GRIA1: variants seen among roughly 807,000 people sequenced by gnomAD.
GRIA1 encodes glutamate receptor 1.
Under a neutral mutation model 99.2 loss-of-function variants are expected in GRIA1, and 31 were observed. That is an observed-to-expected ratio of 0.31 (90% confidence interval 0.23 to 0.42). The LOEUF is 0.42. Ranked by LOEUF, GRIA1 falls within the 10% of genes least tolerant of loss-of-function variation. The pLI is 1.00. For missense variants in GRIA1, 782 were observed against 1,157.5 expected (o/e 0.68, Z 4.71); for synonymous variants, 438 against 432.4 (o/e 1.01, Z -0.16).
intron 11 of GRIA1, among the ~76,000 whole-genome samples, chr5:153,751,129 G>A (rs558473137): frequency 2.1e-4 from 32 of 152,286 alleles, no homozygotes; most frequent in African/African-American, 7.0e-4. Context: ...TAAGCACAAA[G>A]AGATGTAGCG....
At chr5:153,643,124 A>T (rs983221565) in intron 2 of GRIA1, among the ~76,000 whole-genome samples, 1 of 152,202 alleles carries the variant, frequency 6.6e-6, no homozygotes, top group Non-Finnish European at 1.5e-5. Flanking sequence ...TTACCTGCTT[A>T]CTGGATTTGA....
At chr5:153,662,400 C>G (rs1313306496) in intron 5 of GRIA1, among the ~76,000 whole-genome samples, 2 of 152,158 alleles carry the variant, frequency 1.3e-5, no homozygotes. Context: ...AAAAGAATGC[C>G]AGAGAAAAAT....
intron 2 of GRIA1, among the ~76,000 whole-genome samples, chr5:153,581,773 A>G (rs1425289102): frequency 6.7e-6 from 1 of 148,696 alleles, no homozygotes; most frequent in Admixed American, 6.7e-5. Flanking sequence ...TTTTTTTTAG[A>G]AGGGTGTTGT....
At chr5:153,528,427 C>G (rs1012111355) in intron 2 of GRIA1, among the ~76,000 whole-genome samples, 8 of 152,140 alleles carry the variant, frequency 5.3e-5, no homozygotes, top group African/African-American at 1.7e-4. Flanking sequence ...AGGGTACAGG[C>G]TCAGAGGACT....
At chr5:153,556,336 G>A (rs1024537519) in intron 2 of GRIA1, among the ~76,000 whole-genome samples, 2 of 152,184 alleles carry the variant, frequency 1.3e-5, no homozygotes, top group East Asian at 3.9e-4. Flanking sequence ...TCAAAAGGTC[G>A]CTCTTCCCTG....
At chr5:153,688,128 G>C (rs548796446) in intron 8 of GRIA1, among the ~76,000 whole-genome samples, 2 of 151,916 alleles carry the variant, frequency 1.3e-5, no homozygotes, top group African/African-American at 4.8e-5. Flanking sequence ...ACATCTTCTC[G>C]CTAACCACAG....
chr5:153,747,203 G>A (rs1762212791), intron 11 of GRIA1, among the ~76,000 whole-genome samples: 1 of 152,186 alleles, frequency 6.6e-6, no homozygotes, highest in Admixed American at 6.5e-5. Context: ...GAGGCCTCAG[G>A]AAGCTTTTAC....
chr5:153,795,008 G>C (rs1765558955), intron 14 of GRIA1, among the ~76,000 whole-genome samples: 1 of 152,112 alleles, frequency 6.6e-6, no homozygotes, highest in African/African-American at 2.4e-5. Context: ...ATTGTGCCTG[G>C]ACCTTCTTTT....
chr5:153,717,340 A>G (rs1759737029), intron 11 of GRIA1, among the ~76,000 whole-genome samples: 1 of 152,162 alleles, frequency 6.6e-6, no homozygotes, highest in African/African-American at 2.4e-5. Flanking sequence ...CACAGAAGCA[A>G]AGAGAAATGA....
At chr5:153,500,214 G>A (rs1754854882) in intron 2 of GRIA1, among the ~76,000 whole-genome samples, 1 of 152,156 alleles carries the variant, frequency 6.6e-6, no homozygotes, top group African/African-American at 2.4e-5. Flanking sequence ...TCTCCTCTCA[G>A]CCACTCAGGA....
intron 2 of GRIA1, among the ~76,000 whole-genome samples, chr5:153,564,277 C>G (rs1761421882): frequency 6.6e-6 from 1 of 152,100 alleles, no homozygotes; most frequent in Admixed American, 6.5e-5. Flanking sequence ...TGGTGCAGCC[C>G]TTCCCAGAGG....
intron 14 of GRIA1, among the ~76,000 whole-genome samples, chr5:153,799,115 G>T (rs1294825871): frequency 6.6e-5 from 10 of 152,088 alleles, no homozygotes; most frequent in African/African-American, 2.4e-4. Context: ...CTTTTCTGGT[G>T]TGCAGCTGCT....
chr5:153,725,076 G>A (rs1197880282), intron 11 of GRIA1, among the ~76,000 whole-genome samples: 3 of 152,314 alleles, frequency 2.0e-5, no homozygotes, highest in East Asian at 3.9e-4. Context: ...AGCCAGAAGC[G>A]ACTGGGGGCC....
intron 2 of GRIA1, among the ~76,000 whole-genome samples, chr5:153,514,329 C>T (rs484676): frequency 0.017 from 2,535 of 152,262 alleles, 70 homozygotes; most frequent in African/African-American, 0.056. Flanking sequence ...TCAGGACTTA[C>T]ATTTAAGTAT....
chr5:153,725,083 G>A (rs1760410231), intron 11 of GRIA1, among the ~76,000 whole-genome samples: 1 of 152,080 alleles, frequency 6.6e-6, no homozygotes, highest in African/African-American at 2.4e-5. Flanking sequence ...AGCGACTGGG[G>A]GCCAATATTC....
intron 2 of GRIA1, among the ~76,000 whole-genome samples, chr5:153,542,584 A>G (rs1347571625): frequency 6.6e-6 from 1 of 152,262 alleles, no homozygotes; most frequent in Non-Finnish European, 1.5e-5. Flanking sequence ...GAGATCAGGA[A>G]CTAGAGAAAA....
chr5:153,802,508 G>C lies in GRIA1; in HGVS notation c.2520+18G>C. The C allele has an allele frequency of 6.2e-7, 1 of 1,613,794 alleles. No homozygotes were observed. Among genetic ancestry groups the C allele is most frequent in the Non-Finnish European group, 8.5e-7 (1 of 1,179,826 alleles). ...GGATGAAGGTGGCATCGTCTTCCCG[G>C]GCCTTTTTCCTAACCTGTTCTGTGA... On this transcript the variant is annotated intron_variant, in intron 15 of 15. Coordinates refer to ENST00000285900, the MANE Select transcript of GRIA1 (RefSeq NM_000827.4).
chr5:153,595,103 A>G (rs562421958), intron 2 of GRIA1, among the ~76,000 whole-genome samples: 2 of 151,888 alleles, frequency 1.3e-5, no homozygotes, highest in African/African-American at 4.8e-5. Context: ...CCCTCTTTTA[A>G]GTTTCTCTTT....
chr5:153,758,453 C>T (rs937845354), intron 11 of GRIA1, among the ~76,000 whole-genome samples: 1 of 151,464 alleles, frequency 6.6e-6, no homozygotes, highest in Admixed American at 6.6e-5. Context: ...AAAATTATAA[C>T]AAAAAAGACA....
Sources: allele counts gnomAD v4.1 joint callset (sites outside exome capture counted in the v4.1 genomes callset), GRCh38; gene constraint gnomAD v4.1.1; transcripts MANE v1.5; gene names NCBI Gene and HGNC (gene_info 2026-07-23, HGNC 2026-07-21).